The following MYO15A variants were observed in gnomAD, a reference collection of about 807,000 sequenced individuals.
MYO15A encodes unconventional myosin-XV.
A neutral mutation model predicts 394.6 loss-of-function variants in MYO15A; 308 were observed. That is an observed-to-expected ratio of 0.78 (90% CI 0.71 to 0.86). The LOEUF (loss-of-function observed/expected upper bound fraction) is 0.86, where lower values mean the gene tolerates loss of function less well. Among genes scored for constraint, MYO15A ranks in the 40% least tolerant of loss-of-function variants. The probability of loss-of-function intolerance (pLI) is 0.00; values close to 1 mark genes in which losing one functional copy is unlikely to be tolerated. For synonymous variants in MYO15A, 1,957 were observed against 2,003.8 expected, an observed-to-expected ratio of 0.98 and a Z score of 0.62; for missense variants, 4,606 against 4,799.1, an observed-to-expected ratio of 0.96 and a Z score of 1.19.
chr17:18,173,658 A>T, intron 64 of MYO15A, 123 bp from the exon 65 acceptor site: 1 of 1,316,010 alleles, frequency 7.6e-7, no homozygotes, highest in Admixed American at 1.7e-5. Context: ...TCACTGGGGA[A>T]CTGGTACTTG....
chr17:18,155,693 T>G (rs541640972), intron 47 of MYO15A, among the ~76,000 whole-genome samples: 1 of 152,124 alleles, frequency 6.6e-6, no homozygotes, highest in African/African-American at 2.4e-5. Context: ...GCAGCAGCAC[T>G]GTGCAGAGGG....
intron 6 of MYO15A, 33 bp from the exon 7 acceptor site, chr17:18,127,042 G>A: frequency 6.2e-7 from 1 of 1,613,340 alleles, no homozygotes; most frequent in Non-Finnish European, 8.5e-7. Flanking sequence ...GCAGCGAAAG[G>A]TTGGAGCTCA....
chr17:18,121,588 G>A lies in MYO15A; in HGVS notation c.2788G>A (p.Asp930Asn). 1 of 1,598,770 alleles carries A rather than the reference G, an allele frequency of 6.3e-7. No homozygotes were observed. The change falls in exon 2 of 66, where the codon GAC (aspartate) becomes AAC (asparagine). Residue 930 changes from aspartate (D) to asparagine (N), a missense_variant. By Grantham distance (23) the Asp-to-Asn change is conservative (BLOSUM62 1). Around this residue, in one of 2 missense-constraint regions of MYO15A, gnomAD observed 1,830 missense variants for 1,689.7 expected, o/e 1.08. Coordinates refer to ENST00000647165, the MANE Select transcript of MYO15A (RefSeq NM_016239.4). This position sits in a 1 kb window ranked among gnomAD's most constrained non-coding sequence, Gnocchi z 5.3. ...TGTGCCCCCACTGGCCCCCAGCTGGGACGTGGACATGCCTCCCACCCAACG... is the reference window on the plus strand; with the variant it reads ...TGTGCCCCCACTGGCCCCCAGCTGGAACGTGGACATGCCTCCCACCCAACG... ...WTVPPLAPSW[D>N]VDMPPTQRPP...
At chr17:18,133,907 C>G (rs1567637241) in intron 12 of MYO15A, among the ~76,000 whole-genome samples, 1 of 152,226 alleles carries the variant, frequency 6.6e-6, no homozygotes, top group Non-Finnish European at 1.5e-5. Flanking sequence ...ATCCACCGGC[C>G]TCGGCCTCCC....
Position 18,171,611 on chromosome 17 carries a change from ACCTTTTTCC to A in MYO15A, c.10083-22_10083-14del. The A allele has an allele frequency of 6.2e-7, 1 of 1,613,658 alleles. No individual in the cohort carries two copies. The highest frequency in any genetic ancestry group is 8.5e-7 in the Non-Finnish European group (1 of 1,180,014). ...GCCTGAGCCTGGGAGCTCACTCAGG[ACCTTTTTCC>A]CCTTCCTCCGTACACAGGCGGGAAG... On this transcript the variant is annotated intron_variant, in intron 62 of 65. Transcript: ENST00000647165.
chr17:18,155,377 A>G lies in MYO15A; in HGVS notation c.8404A>G (p.Met2802Val), dbSNP rs727503318. 2.5e-6 allele frequency: 4 copies of G among 1,613,710 alleles called. No homozygotes were observed. The highest frequency in any genetic ancestry group is 3.4e-6 in the Non-Finnish European group (4 of 1,180,010). The change falls in exon 47 of 66, where the codon ATG becomes GTG. Residue 2802 changes from methionine (M) to valine (V), a missense_variant. By Grantham distance (21) the Met-to-Val change is conservative (BLOSUM62 1). Transcript: ENST00000647165. ...VSHVGIKLLR[M>V]VKGGQEAGGQ... ...CCACGTGGGCATCAAACTCCTGAGG[A>G]TGGTCAAGGGTGGCCAGGAGGCCGG...
Position 18,120,533 on chromosome 17 carries a change from AGAC to A in MYO15A, c.1735_1737del (p.Thr579del), listed in dbSNP as rs766138510. 2.5e-6 allele frequency: 4 copies of A among 1,593,672 alleles called. No homozygotes were observed. In the African/African-American group the frequency reaches 5.4e-5, roughly 21 times the overall value. On this transcript the variant is annotated inframe_deletion, in exon 2 of 66. Transcript: ENST00000647165. Reference sequence around the variant, plus strand: ...ACCTCGCTTGCGCGGTTCCTCAAGAAGACGCTGTCGGAGAAGAAGCCCATCGCG... The same window carrying A: ...ACCTCGCTTGCGCGGTTCCTCAAGAAGCTGTCGGAGAAGAAGCCCATCGCG...
intron 12 of MYO15A, among the ~76,000 whole-genome samples, chr17:18,134,657 T>A (rs1484654633): frequency 1.3e-5 from 2 of 152,166 alleles, no homozygotes; most frequent in Non-Finnish European, 2.9e-5. Context: ...CCAAGGCAGG[T>A]GGATTGCTCG....
At chr17:18,158,721 C>G (rs924564973) in intron 52 of MYO15A, 83 bp downstream of exon 52, 1 of 1,522,680 alleles carries the variant, frequency 6.6e-7, no homozygotes, top group Non-Finnish European at 9.1e-7. Flanking sequence ...CTGTCAGTCT[C>G]GGAGGCCCCA....
At chr17:18,139,945 G>A (rs115099646) in intron 19 of MYO15A, among the ~76,000 whole-genome samples, 2,962 of 152,232 alleles carry the variant, frequency 0.019, 96 homozygotes, top group African/African-American at 0.067. Flanking sequence ...CCCATTCCCT[G>A]GCCCATTCTT....
At chr17:18,144,185 A>G (rs928972177) in intron 28 of MYO15A, among the ~76,000 whole-genome samples, 185 bp downstream of exon 28, 1 of 152,336 alleles carries the variant, frequency 6.6e-6, no homozygotes, top group Admixed American at 6.5e-5. Flanking sequence ...GAGAGCCCTC[A>G]GGGGCTCGGG....
chr17:18,174,510 G>T (rs908588011), intron 65 of MYO15A, among the ~76,000 whole-genome samples: 4 of 152,158 alleles, frequency 2.6e-5, no homozygotes, highest in African/African-American at 9.7e-5. Flanking sequence ...AGGCTGAGGC[G>T]GGAGGATTGC....
chr17:18,115,223 C>T (rs1244790727), intron 1 of MYO15A, among the ~76,000 whole-genome samples: 2 of 152,220 alleles, frequency 1.3e-5, no homozygotes, highest in East Asian at 1.9e-4. Context: ...CCGCTGGCAG[C>T]CTGGTGCAGG....
rs746608176 is a variant in MYO15A at position 18,138,271 on chromosome 17, C to T, written c.5007+25C>T. On this transcript the variant is annotated intron_variant, in intron 17 of 65. Transcript: ENST00000647165. Reference sequence around the variant, plus strand: ...GGTGAGCCGCAGGCACTGTGTGAGCCTAGTCAGGTCACAGATCTCTCAGCC... The same window carrying T: ...GGTGAGCCGCAGGCACTGTGTGAGCTTAGTCAGGTCACAGATCTCTCAGCC... 1.1e-5 allele frequency: 17 copies of T among 1,608,642 alleles called. No individual in the cohort carries two copies. The East Asian group carries it at 3.8e-4, about 36-fold the overall frequency.
In MYO15A at chr17:18,156,893, C is replaced by G. The variant is rs2046683733; in HGVS notation, c.8602-61C>G. 2.1e-6 allele frequency: 3 copies of G among 1,453,918 alleles called. No homozygotes were observed. In the East Asian group the frequency reaches 6.8e-5, roughly 33 times the overall value. 90.1% of individuals were successfully genotyped at this position (1,453,918 alleles called of 1,614,324 possible). A position where few individuals can be genotyped will look rare whatever the true frequency, so the allele number is the denominator to read the frequency against. ...AAGGATGTGAGGAGCAGGGGTGGCC[C>G]TAGGCCTCTGGGAGTGGGGTGATAG... On this transcript the variant is annotated intron_variant, in intron 48 of 65. Transcript: ENST00000647165.
chr17:18,121,115 C>T lies in MYO15A; in HGVS notation c.2315C>T (p.Pro772Leu), dbSNP rs530055219. 17 of 1,504,162 alleles carry T rather than the reference C, an allele frequency of 1.1e-5. No homozygotes were observed. Among genetic ancestry groups the T allele is most frequent in the African/African-American group, 1.4e-5 (1 of 69,328 alleles). 93.2% of individuals were successfully genotyped at this position (1,504,162 alleles called of 1,614,324 possible). A position where few individuals can be genotyped will look rare whatever the true frequency, so the allele number is the denominator to read the frequency against. ...PRASRRRAWS[P>L]LASPQPSLRS... Reference sequence around the variant, plus strand: ...GCGTCGCGGAGGCGAGCTTGGTCACCGCTGGCCTCGCCCCAGCCCTCGCTG... The same window carrying T: ...GCGTCGCGGAGGCGAGCTTGGTCACTGCTGGCCTCGCCCCAGCCCTCGCTG... The change falls in exon 2 of 66, where the codon CCG becomes CTG. Residue 772 changes from proline to leucine, a missense_variant. This residue lies in a region of MYO15A where 1,830 missense variants were observed against 1,689.7 expected (regional missense o/e 1.08). Transcript: ENST00000647165. The surrounding 1 kb of genome is among the most constrained non-coding windows in gnomAD (Gnocchi z 5.3).
intron 1 of MYO15A, among the ~76,000 whole-genome samples, chr17:18,116,440 G>A (rs974854483): frequency 1.3e-5 from 2 of 152,240 alleles, no homozygotes; most frequent in Admixed American, 6.5e-5. Context: ...AGGTGGCCTC[G>A]AGCAAGTCCC....
chr17:18,155,058 G>A lies in MYO15A; in HGVS notation c.8225-52G>A, dbSNP rs933941389. ...TCCCTCCCTGACATCCCCGAGATGG[G>A]GGTTGCCAGGGGAGTGGGGAGAGGG... On this transcript the variant is annotated intron_variant, in intron 45 of 65. Transcript: ENST00000647165. 5 of 1,537,652 alleles carry A rather than the reference G, an allele frequency of 3.3e-6. No individual in the cohort carries two copies. The African/African-American group carries it at 6.9e-5, about 21-fold the overall frequency.
At chr17:18,136,008 A>G (rs1261979042) in intron 13 of MYO15A, among the ~76,000 whole-genome samples, 184 bp downstream of exon 13, 1 of 152,082 alleles carries the variant, frequency 6.6e-6, no homozygotes, top group African/African-American at 2.4e-5. Flanking sequence ...AGACTGTTGC[A>G]TAGGCTGTTT....
Sources: gnomAD v4.1 joint callset for allele counts (sites outside exome capture counted in the v4.1 genomes callset) on GRCh38, gnomAD v4.1.1 for gene constraint, gnomAD v4.1.1 regional missense constraint, Gnocchi (gnomAD v3.1) non-coding constraint, MANE v1.5 for transcripts, NCBI Gene and HGNC (gene_info 2026-07-23, HGNC 2026-07-21) for gene names.